CAP1: variants seen among roughly 807,000 people sequenced by gnomAD.
CAP1 encodes the protein adenylyl cyclase-associated protein 1.
CAP1 carries 11 observed loss-of-function variants against 58.2 expected under a neutral mutation model. That is an observed-to-expected ratio of 0.19 (90% CI 0.12 to 0.31). The LOEUF is 0.31. CAP1 is among the 10% of genes least tolerant of loss of function. The pLI is 1.00. For synonymous variants in CAP1, 183 were observed against 213.8 expected (o/e 0.86, Z 1.26); for missense variants, 423 against 587.5 (o/e 0.72, Z 2.89).
At chr1:40,053,390 T>C (rs1442742650) in intron 1 of CAP1, among the ~76,000 whole-genome samples, 1 of 151,960 alleles carries the variant, frequency 6.6e-6, no homozygotes, top group Non-Finnish European at 1.5e-5. Flanking sequence ...AGCTGCAGAG[T>C]AGGATTCAGA....
In CAP1 at chr1:40,059,429, A is replaced by G; in HGVS notation, c.83A>G (p.His28Arg). 1 of 1,611,028 alleles carries G rather than the reference A, an allele frequency of 6.2e-7. No individual in the cohort carries two copies. The highest frequency in any genetic ancestry group is 2.2e-5 in the East Asian group (1 of 44,872). The change falls in exon 2 of 13, where the codon CAC becomes CGC. Residue 28 changes from histidine to arginine, a missense_variant. Physicochemically the swap from His to Arg is conservative, Grantham distance 29 (BLOSUM62 0). Transcript: ENST00000372805. ...GCAGTATCTCATACCTCTGACATGC[A>G]CCGTGGGTATGCAGACAGTCCTTCA... ...LEAVSHTSDM[H>R]RGYADSPSKA...
chr1:40,064,610 G>C, intron 6 of CAP1, 51 bp downstream of exon 6: 1 of 1,399,614 alleles, frequency 7.1e-7, no homozygotes, highest in Non-Finnish European at 1.0e-6. Flanking sequence ...AGTGTCTTGC[G>C]TTGTCACCCA....
At chr1:40,045,886 C>A (rs1646072643) in intron 1 of CAP1, among the ~76,000 whole-genome samples, 1 of 152,022 alleles carries the variant, frequency 6.6e-6, no homozygotes, top group South Asian at 2.1e-4. Flanking sequence ...CAGGGTCTTG[C>A]TATGTTGCCT....
chr1:40,054,190 G>A (rs1646508113), intron 1 of CAP1, among the ~76,000 whole-genome samples: 1 of 128,128 alleles, frequency 7.8e-6, no homozygotes, highest in Admixed American at 7.7e-5. Flanking sequence ...TTAGCCCACT[G>A]TTCTTTTTTT....
intron 1 of CAP1, among the ~76,000 whole-genome samples, chr1:40,055,561 T>C (rs1646576663): frequency 6.6e-6 from 1 of 151,936 alleles, no homozygotes; most frequent in Non-Finnish European, 1.5e-5. Flanking sequence ...CAGGCTGGAG[T>C]GCAGTGGTAC....
intron 8 of CAP1, 36 bp downstream of exon 8, chr1:40,067,753 C>G (rs1241547122): frequency 6.6e-7 from 1 of 1,510,926 alleles, no homozygotes; most frequent in Non-Finnish European, 9.1e-7. Context: ...GTAGGTACAA[C>G]AAGTTGTGTG....
chr1:40,062,189 T>C lies in CAP1; in HGVS notation c.294+377T>C, dbSNP rs185982012. ...TGGAGATCTTAAAACTCCTACAGTA[T>C]TGCTTCTCTCCTCATCCTTCACTGG... is the stretch of plus-strand genomic sequence containing the variant. On this transcript the variant is annotated intron_variant, in intron 4 of 12. Transcript: ENST00000372805. 2.2e-3 allele frequency among the ~76,000 whole-genome samples: 320 copies of C among 146,846 alleles called. 2 individuals carry two copies. The highest frequency in any genetic ancestry group is 2.6e-3 in the Non-Finnish European group (171 of 66,648).
chr1:40,054,214 A>G (rs1293797124), intron 1 of CAP1, among the ~76,000 whole-genome samples: 4 of 114,760 alleles, frequency 3.5e-5, no homozygotes, highest in African/African-American at 1.5e-4. Flanking sequence ...TTTTGGAAAC[A>G]TAATCTCACT....
intron 1 of CAP1, among the ~76,000 whole-genome samples, chr1:40,048,834 G>T (rs563936563): frequency 1.3e-5 from 2 of 152,096 alleles, no homozygotes; most frequent in Admixed American, 1.3e-4. Flanking sequence ...TCAGGAACAG[G>T]ATTACAAAAT....
intron 8 of CAP1, chr1:40,069,482 C>A: frequency 1.8e-6 from 1 of 563,916 alleles, no homozygotes. Context: ...AATATACACA[C>A]ATTCCATGTT....
At chr1:40,061,617 A>G in intron 3 of CAP1, 118 bp from the exon 4 acceptor site, 1 of 804,022 alleles carries the variant, frequency 1.2e-6, no homozygotes, top group South Asian at 1.4e-5. Context: ...CATGAGGAGG[A>G]TAACATGAAG....
At chr1:40,070,541 T>C in intron 11 of CAP1, 29 bp downstream of exon 11, 1 of 1,531,134 alleles carries the variant, frequency 6.5e-7, no homozygotes, top group Non-Finnish European at 9.1e-7. Context: ...TCCTTCTTTT[T>C]GTCCCTGAGG....
Position 40,066,329 on chromosome 1 carries a change from A to ATCCT in CAP1, c.630+14_630+17dup, listed in dbSNP as rs1471223467. On this transcript the variant is annotated intron_variant, in intron 7 of 12. Coordinates refer to ENST00000372805, the MANE Select transcript of CAP1 (RefSeq NM_006367.4). ...TGGCCTGGAGCAAAACGGTTAGTGA[A>ATCCT]TCCTTCCTCCCTCCCTCCCTCCCTC... 6.8e-7 allele frequency: 1 copy of ATCCT among 1,475,440 alleles called. No individual in the cohort carries two copies. The highest frequency in any genetic ancestry group is 9.5e-7 in the Non-Finnish European group (1 of 1,054,146). 91.4% of individuals were successfully genotyped at this position (1,475,440 alleles called of 1,614,324 possible).
intron 1 of CAP1, among the ~76,000 whole-genome samples, chr1:40,042,679 G>C (rs1052367595): frequency 1.7e-4 from 26 of 152,154 alleles, no homozygotes; most frequent in African/African-American, 5.8e-4. Context: ...AAATGATGTC[G>C]TCAGATTTAT....
chr1:40,054,746 ATTC>A (rs1646537408), intron 1 of CAP1, among the ~76,000 whole-genome samples: 1 of 152,162 alleles, frequency 6.6e-6, no homozygotes, highest in African/African-American at 2.4e-5. Flanking sequence ...GGTTCAAGCC[ATTC>A]TTGTGCTTCA....
intron 1 of CAP1, among the ~76,000 whole-genome samples, chr1:40,055,988 G>A (rs1646598752): frequency 6.6e-6 from 1 of 152,130 alleles, no homozygotes; most frequent in Non-Finnish European, 1.5e-5. Flanking sequence ...TATTCTCACT[G>A]AAGCCCTTTG....
intron 3 of CAP1, among the ~76,000 whole-genome samples, chr1:40,060,688 C>G (rs1646812763): frequency 6.7e-6 from 1 of 149,582 alleles, no homozygotes; most frequent in Non-Finnish European, 1.5e-5. Context: ...CCACCCCACA[C>G]TCACATATAC....
At chr1:40,057,635 T>C (rs957036951) in intron 1 of CAP1, 45 of 152,260 alleles carry the variant, frequency 3.0e-4, no homozygotes, top group African/African-American at 9.6e-4. Context: ...TACTTTATCT[T>C]GTGAGCTGCT....
chr1:40,065,941 A>T (rs974333706), intron 6 of CAP1, among the ~76,000 whole-genome samples: 2 of 152,256 alleles, frequency 1.3e-5, no homozygotes, highest in African/African-American at 2.4e-5. Flanking sequence ...AAAGAAAAAA[A>T]AAAGTTTTGG....
Sources: allele counts gnomAD v4.1 joint callset (sites outside exome capture counted in the v4.1 genomes callset), GRCh38; gene constraint gnomAD v4.1.1; transcripts MANE v1.5; gene names NCBI Gene and HGNC (gene_info 2026-07-23, HGNC 2026-07-21).